CYYR1: variants seen among roughly 807,000 people sequenced by gnomAD.
The protein encoded by CYYR1 is cysteine and tyrosine rich 1.
A neutral mutation model predicts 15.2 loss-of-function variants in CYYR1; 14 were observed. The observed-to-expected ratio is 0.92, with a 90% CI of 0.61 to 1.44. The LOEUF (loss-of-function observed/expected upper bound fraction) is 1.44, where lower values mean the gene tolerates loss of function less well. CYYR1 is among the 40% of genes most tolerant of loss of function. The probability of loss-of-function intolerance (pLI) is 0.00; values close to 1 mark genes in which losing one functional copy is unlikely to be tolerated. For missense variants in CYYR1, 228 were observed against 209.5 expected, an observed-to-expected ratio of 1.09 and a Z score of -0.54; for synonymous variants, 80 against 77.4, an observed-to-expected ratio of 1.03 and a Z score of -0.18.
At chr21:26,560,111 T>C (rs1249781315) in intron 2 of CYYR1, among the ~76,000 whole-genome samples, 1 of 152,164 alleles carries the variant, frequency 6.6e-6, no homozygotes, top group Non-Finnish European at 1.5e-5. Flanking sequence ...ATTAGGTCTC[T>C]CTTTATCCCT....
intron 2 of CYYR1, among the ~76,000 whole-genome samples, chr21:26,518,032 TCA>T (rs1030894703): frequency 7.2e-5 from 11 of 152,202 alleles, no homozygotes; most frequent in African/African-American, 2.7e-4. Flanking sequence ...TTCTCAGCAC[TCA>T]CACTGATTGA....
intron 2 of CYYR1, among the ~76,000 whole-genome samples, chr21:26,513,465 A>G (rs1265107403): frequency 6.6e-6 from 1 of 151,996 alleles, no homozygotes; most frequent in Non-Finnish European, 1.5e-5. Context: ...TGGTGTGGCA[A>G]AAGATCCAAG....
At chr21:26,487,586 G>C (rs530154788) in intron 2 of CYYR1, among the ~76,000 whole-genome samples, 1 of 152,024 alleles carries the variant, frequency 6.6e-6, no homozygotes, top group South Asian at 2.1e-4. Flanking sequence ...GTAACACTTT[G>C]ACTTGCTTAA....
intron 2 of CYYR1, among the ~76,000 whole-genome samples, chr21:26,493,697 A>C (rs1267492831): frequency 1.3e-5 from 2 of 152,148 alleles, no homozygotes; most frequent in Non-Finnish European, 2.9e-5. Context: ...AGTGACCTCT[A>C]GAAAGGGAAG....
intron 3 of CYYR1, among the ~76,000 whole-genome samples, chr21:26,474,255 A>G (rs537496812): frequency 3.3e-5 from 5 of 151,922 alleles, no homozygotes; most frequent in Non-Finnish European, 7.4e-5. Flanking sequence ...GGGTTTCACC[A>G]TGTTGGTCAG....
chr21:26,572,858 C>G lies in CYYR1; in HGVS notation c.73+10G>C, dbSNP rs1019325883. ...GCCTCTGACCCTCTCCGCCGCCCTC[C>G]GTCACTGACCTGCGTAGACAAAGAG... On this transcript the variant is annotated intron_variant, in intron 1 of 3. Transcript: ENST00000652641. 2.5e-6 allele frequency: 4 copies of G among 1,613,482 alleles called. No individual in the cohort carries two copies. Among genetic ancestry groups the G allele is most frequent in the Non-Finnish European group, 3.4e-6 (4 of 1,179,782 alleles).
chr21:26,466,582 A>G lies in CYYR1; in HGVS notation c.*1919T>C, dbSNP rs1302777933. 6.6e-6 allele frequency: 1 copy of G among 152,198 alleles called. No homozygotes were observed. The highest frequency in any genetic ancestry group is 2.4e-5 in the African/African-American group (1 of 41,460). 9.4% of individuals were successfully genotyped at this position (152,198 alleles called of 1,614,324 possible). A position where few individuals can be genotyped will look rare whatever the true frequency, so the allele number is the denominator to read the frequency against. ...CGCAATAAATGTTTATTGATGGTGA[A>G]GATGAGAAAACCCTATTTCTGCTGA... On this transcript the variant is annotated 3_prime_UTR_variant, in exon 4 of 4. Coordinates refer to ENST00000652641, the MANE Select transcript of CYYR1 (RefSeq NM_001320768.2).
intron 2 of CYYR1, among the ~76,000 whole-genome samples, chr21:26,485,650 T>C (rs991861385): frequency 1.3e-5 from 2 of 152,128 alleles, no homozygotes; most frequent in African/African-American, 2.4e-5. Context: ...TTTCTGCATG[T>C]ATCAGTAGTT....
rs199755509 is a variant in CYYR1 at position 26,545,247 on chromosome 21, G to GACT, written c.176+21018_176+21019insAGT. On this transcript the variant is annotated intron_variant, in intron 2 of 3. Transcript: ENST00000652641. ...TTTCTCATGTATCATGGCCTGTTTA[G>GACT]AGTCTCTGGGTTTGCCTCCCACTTG... is the stretch of plus-strand genomic sequence containing the variant. Among the ~76,000 whole-genome samples the GACT allele has an allele frequency of 4.9e-3, 749 of 152,034 alleles. 5 individuals carry two copies. The highest frequency in any genetic ancestry group is 0.017 in the African/African-American group (722 of 41,476).
intron 2 of CYYR1, among the ~76,000 whole-genome samples, chr21:26,535,512 C>G (rs909781128): frequency 3.9e-4 from 60 of 152,288 alleles, no homozygotes; most frequent in African/African-American, 1.4e-3. Flanking sequence ...TAAAGTTTTG[C>G]TCCTTCTATT....
chr21:26,519,382 C>A (rs190525360), intron 2 of CYYR1, among the ~76,000 whole-genome samples: 128 of 152,122 alleles, frequency 8.4e-4, no homozygotes, highest in African/African-American at 3.0e-3. Flanking sequence ...AAGGAGTTGG[C>A]CAAAGAGACA....
At chr21:26,484,785 G>C (rs968497012) in intron 2 of CYYR1, among the ~76,000 whole-genome samples, 6 of 152,076 alleles carry the variant, frequency 3.9e-5, no homozygotes, top group Non-Finnish European at 8.8e-5. Context: ...ATAGAGGAAA[G>C]TAGAAAATTA....
At chr21:26,566,783 G>T (rs1005647451) in intron 1 of CYYR1, among the ~76,000 whole-genome samples, 2 of 152,138 alleles carry the variant, frequency 1.3e-5, no homozygotes, top group African/African-American at 2.4e-5. Flanking sequence ...GCTGAGGCGG[G>T]TGATCACTTG....
intron 2 of CYYR1, among the ~76,000 whole-genome samples, chr21:26,544,270 T>A (rs1215409356): frequency 1.3e-5 from 2 of 152,208 alleles, no homozygotes; most frequent in African/African-American, 4.8e-5. Context: ...TAATCACTTT[T>A]AGTCGTCAAA....
chr21:26,527,071 T>C (rs1317808660), intron 2 of CYYR1, among the ~76,000 whole-genome samples: 2 of 152,188 alleles, frequency 1.3e-5, no homozygotes, highest in African/African-American at 4.8e-5. Flanking sequence ...AATATGCAAG[T>C]GTGTTCACAA....
chr21:26,502,376 CTG>C (rs2065493282), intron 2 of CYYR1, among the ~76,000 whole-genome samples: 1 of 150,478 alleles, frequency 6.6e-6, no homozygotes, highest in Non-Finnish European at 1.5e-5. Context: ...GGAGGACACT[CTG>C]GGAGCGGGCA....
intron 2 of CYYR1, among the ~76,000 whole-genome samples, chr21:26,481,749 T>C (rs2065184315): frequency 1.3e-5 from 2 of 151,918 alleles, no homozygotes; most frequent in South Asian, 4.1e-4. Flanking sequence ...GAATTAGTAT[T>C]AATTGAATAC....
chr21:26,474,107 C>T (rs1244562974), intron 3 of CYYR1, among the ~76,000 whole-genome samples: 2 of 145,096 alleles, frequency 1.4e-5, no homozygotes, highest in Admixed American at 1.4e-4. Flanking sequence ...AGTGCAATGG[C>T]GCGATCTTGC....
intron 2 of CYYR1, among the ~76,000 whole-genome samples, chr21:26,481,712 T>C (rs546475211): frequency 6.6e-6 from 1 of 152,074 alleles, no homozygotes; most frequent in Non-Finnish European, 1.5e-5. Context: ...GTCTTTATGG[T>C]AGAATGCTTC....
Sources: allele counts gnomAD v4.1 joint callset (sites outside exome capture counted in the v4.1 genomes callset), GRCh38; gene constraint gnomAD v4.1.1; transcripts MANE v1.5; gene names NCBI Gene and HGNC (gene_info 2026-07-23, HGNC 2026-07-21).